The following PTPRS variants were observed in gnomAD, a reference collection of about 807,000 sequenced individuals.
PTPRS encodes the protein receptor-type tyrosine-protein phosphatase S.
PTPRS carries 63 observed loss-of-function variants against 215.3 expected under a neutral mutation model. That is an observed-to-expected ratio of 0.29 (90% CI 0.24 to 0.36). The LOEUF (loss-of-function observed/expected upper bound fraction) is 0.36, where lower values mean the gene tolerates loss of function less well. Ranked by LOEUF, PTPRS falls within the 10% of genes least tolerant of loss-of-function variation. The probability of loss-of-function intolerance (pLI) is 1.00; values close to 1 mark genes in which losing one functional copy is unlikely to be tolerated. For missense variants in PTPRS, 2,258 were observed against 2,825.8 expected (o/e 0.80, Z 4.56); for synonymous variants, 1,404 against 1,191.4 (o/e 1.18, Z -3.68).
chr19:5,328,236 C>T (rs2050222582), intron 1 of PTPRS, among the ~76,000 whole-genome samples: 1 of 152,148 alleles, frequency 6.6e-6, no homozygotes, highest in South Asian at 2.1e-4. Context: ...CCTGACTTAA[C>T]CTCCTGAGTA....
chr19:5,269,250 A>G (rs2046697305), intron 4 of PTPRS, among the ~76,000 whole-genome samples: 1 of 152,134 alleles, frequency 6.6e-6, no homozygotes, highest in Non-Finnish European at 1.5e-5. Flanking sequence ...GGTCCCCATA[A>G]GCGTGTGTGG....
At chr19:5,235,604 CAAT>C (rs917994155) in intron 13 of PTPRS, among the ~76,000 whole-genome samples, 3 of 152,100 alleles carry the variant, frequency 2.0e-5, no homozygotes, top group African/African-American at 7.2e-5. Context: ...GTTTGCAGAA[CAAT>C]AATTGTTGCC....
Position 5,219,440 on chromosome 19 carries a change from G to C in PTPRS, c.3793C>G (p.Pro1265Ala). 1 of 1,604,432 alleles carries C rather than the reference G, an allele frequency of 6.2e-7. No homozygotes were observed. The highest frequency in any genetic ancestry group is 8.5e-7 in the Non-Finnish European group (1 of 1,175,484). ...PTFAASPFSD[P>A]FQLDNPDPQP... Reference sequence around the variant, plus strand: ...GGGTCCGGGTTATCCAGCTGGAAGGGGTCTGAGAAGGGACTGGCTGCAAAG... The same window carrying C: ...GGGTCCGGGTTATCCAGCTGGAAGGCGTCTGAGAAGGGACTGGCTGCAAAG... The change falls in exon 23 of 38, where the codon CCC becomes GCC. Residue 1265 changes from proline to alanine, a missense_variant. Around this residue, in one of 6 missense-constraint regions of PTPRS, gnomAD observed 927 missense variants for 1,125.9 expected, o/e 0.82. Coordinates refer to ENST00000262963, the MANE Select transcript of PTPRS (RefSeq NM_002850.4).
At chr19:5,303,494 G>A (rs559215594) in intron 1 of PTPRS, among the ~76,000 whole-genome samples, 4 of 152,296 alleles carry the variant, frequency 2.6e-5, no homozygotes, top group South Asian at 4.1e-4. Context: ...GGGAGACAGC[G>A]ACAGATGGGG....
chr19:5,262,132 G>T (rs8106267), intron 6 of PTPRS, among the ~76,000 whole-genome samples: 1 of 151,854 alleles, frequency 6.6e-6, no homozygotes, highest in African/African-American at 2.4e-5. Flanking sequence ...AAAATTAGCC[G>T]GGTGTGGTGG....
At position 5,315,350 on chromosome 19, in the gene PTPRS, G is replaced by GCTTTTTTTTTTTTTTTTTTTTTTTTTT. The variant is rs2049835558; in HGVS notation, c.-95+25313_-95+25314insAAAAAAAAAAAAAAAAAAAAAAAAAAG. Reference sequence around the variant, plus strand: ...TCATGGAGAATTTTTATTTGAAAAGGGTTTTTTTTTTTTTTTTTTTTTTTT... The same window carrying GCTTTTTTTTTTTTTTTTTTTTTTTTTT: ...TCATGGAGAATTTTTATTTGAAAAGGCTTTTTTTTTTTTTTTTTTTTTTTTTTGTTTTTTTTTTTTTTTTTTTTTTTT... On this transcript the variant is annotated intron_variant, in intron 1 of 37. Coordinates refer to ENST00000262963, the MANE Select transcript of PTPRS (RefSeq NM_002850.4). Among the ~76,000 whole-genome samples, 9 of 101,298 alleles carry GCTTTTTTTTTTTTTTTTTTTTTTTTTT rather than the reference G, an allele frequency of 8.9e-5. 2 individuals carry two copies. The highest frequency in any genetic ancestry group is 1.2e-4 in the African/African-American group (3 of 24,602). 66.5% of individuals were successfully genotyped at this position (101,298 alleles called of 152,430 possible). A position where few individuals can be genotyped will look rare whatever the true frequency, so the allele number is the denominator to read the frequency against.
intron 1 of PTPRS, among the ~76,000 whole-genome samples, chr19:5,309,482 T>A (rs145006420): frequency 6.6e-6 from 1 of 152,152 alleles, no homozygotes; most frequent in African/African-American, 2.4e-5. Context: ...CCAGAGCCAA[T>A]GGCTTGCTTG....
At chr19:5,310,365 T>G (rs1391662918) in intron 1 of PTPRS, among the ~76,000 whole-genome samples, 1 of 150,552 alleles carries the variant, frequency 6.6e-6, no homozygotes, top group Non-Finnish European at 1.5e-5. Flanking sequence ...TCACCCAGGC[T>G]GGACTGCAGT....
intron 28 of PTPRS, among the ~76,000 whole-genome samples, chr19:5,215,038 A>G (rs1439949126): frequency 6.6e-6 from 1 of 152,258 alleles, no homozygotes; most frequent in African/African-American, 2.4e-5. Flanking sequence ...GTCCCTGGAC[A>G]TTGCCAGATG....
chr19:5,274,007 C>T (rs2047144859), intron 3 of PTPRS, among the ~76,000 whole-genome samples, 192 bp downstream of exon 3: 1 of 152,178 alleles, frequency 6.6e-6, no homozygotes, highest in Non-Finnish European at 1.5e-5. Context: ...TGCTTGAGGC[C>T]ACACAGCATG....
chr19:5,260,431 C>T (rs1273270278), intron 7 of PTPRS, among the ~76,000 whole-genome samples: 5 of 152,158 alleles, frequency 3.3e-5, no homozygotes, highest in East Asian at 1.9e-4. Context: ...TCACCTGCCT[C>T]GGCCTCCCAC....
At chr19:5,304,208 G>A (rs1365909472) in intron 1 of PTPRS, among the ~76,000 whole-genome samples, 1 of 151,980 alleles carries the variant, frequency 6.6e-6, no homozygotes, top group African/African-American at 2.4e-5. Flanking sequence ...GCTCACACTT[G>A]TAATCCTAAC....
In PTPRS at chr19:5,215,362, C is replaced by A; in HGVS notation, c.4245G>T (p.Val1415=). The change falls in exon 28 of 38, where the codon GTG becomes GTT. Residue 1415 remains valine, a synonymous_variant. Coordinates refer to ENST00000262963, the MANE Select transcript of PTPRS (RefSeq NM_002850.4). ...TGGCATAGCGGTTCTTCGGCTTGTT[C>A]ACTTCCAGGTTGGAATGTTCCCATG... The part of the protein sequence containing the change: ...QFTWEHSNLE[V]NKPKNRYANV... 6.2e-7 allele frequency: 1 copy of A among 1,614,076 alleles called. No homozygotes were observed. Among genetic ancestry groups the A allele is most frequent in the Non-Finnish European group, 8.5e-7 (1 of 1,180,008 alleles).
intron 2 of PTPRS, among the ~76,000 whole-genome samples, chr19:5,283,886 A>C (rs2048094027): frequency 6.6e-6 from 1 of 151,704 alleles, no homozygotes; most frequent in Non-Finnish European, 1.5e-5. Flanking sequence ...CAGCCTGGGC[A>C]ACATAGTAAA....
rs1161124076 is a variant in PTPRS at position 5,339,391 on chromosome 19, G to C, written c.-95+1273C>G. On this transcript the variant is annotated intron_variant, in intron 1 of 37. Transcript: ENST00000262963. The surrounding 1 kb of genome is among the most constrained non-coding windows in gnomAD (Gnocchi z 4.2). ...AAGACGATTTGAGACTGGGGAAAGA[G>C]GGTCAACCGAAGAAGGAGGTCCCAG... 6.6e-6 allele frequency among the ~76,000 whole-genome samples: 1 copy of C among 152,066 alleles called. No individual in the cohort carries two copies. The highest frequency in any genetic ancestry group is 2.4e-5 in the African/African-American group (1 of 41,380).
At chr19:5,306,711 CT>C (rs1191977173) in intron 1 of PTPRS, among the ~76,000 whole-genome samples, 1 of 152,138 alleles carries the variant, frequency 6.6e-6, no homozygotes, top group Non-Finnish European at 1.5e-5. Flanking sequence ...GCATTTTTGT[CT>C]CTCACTGGTG....
In PTPRS at chr19:5,244,406, G is replaced by T. The variant is rs990500406; in HGVS notation, c.1065C>A (p.Gly355=). The change falls in exon 11 of 38, where the codon GGC becomes GGA. Residue 355 remains glycine (G), a synonymous_variant. Transcript: ENST00000262963. The surrounding 1 kb of genome is among the most constrained non-coding windows in gnomAD (Gnocchi z 7.2). ...CGTAATAGGACACAGGATCTGGGTT[G>T]CCCGAGTCCCACGTGATGGTGATGC... ...ATSITITWDS[G]NPDPVSYYVI... 1 of 1,614,098 alleles carries T rather than the reference G, an allele frequency of 6.2e-7. No individual in the cohort carries two copies. The highest frequency in any genetic ancestry group is 1.3e-5 in the African/African-American group (1 of 74,930).
chr19:5,338,440 G>A lies in PTPRS; in HGVS notation c.-95+2224C>T, dbSNP rs1159883215. On this transcript the variant is annotated intron_variant, in intron 1 of 37. Transcript: ENST00000262963. The surrounding 1 kb of genome is among the most constrained non-coding windows in gnomAD (Gnocchi z 4.2). ...CAGGGCAGGACCCTGCTTCCCGGAGGGAAATAATGAAGACTCCGCCAGCCT... is the reference window on the plus strand; with the variant it reads ...CAGGGCAGGACCCTGCTTCCCGGAGAGAAATAATGAAGACTCCGCCAGCCT... Among the ~76,000 whole-genome samples, 6 of 152,126 alleles carry A rather than the reference G, an allele frequency of 3.9e-5. No individual in the cohort carries two copies. Among genetic ancestry groups the A allele is most frequent in the Non-Finnish European group, 7.4e-5 (5 of 68,024 alleles).
chr19:5,240,044 A>G (rs1383131024), intron 12 of PTPRS, among the ~76,000 whole-genome samples, 155 bp downstream of exon 12: 1 of 152,218 alleles, frequency 6.6e-6, no homozygotes, highest in Non-Finnish European at 1.5e-5. Context: ...GGAAAGGCAC[A>G]AAGGGACAGA....
Sources: allele counts gnomAD v4.1 joint callset (sites outside exome capture counted in the v4.1 genomes callset), GRCh38; gene constraint gnomAD v4.1.1; regional missense constraint gnomAD v4.1.1; non-coding constraint Gnocchi (gnomAD v3.1); transcripts MANE v1.5; gene names NCBI Gene and HGNC (gene_info 2026-07-23, HGNC 2026-07-21).